RSRC1: variants seen among roughly 807,000 people sequenced by gnomAD.
RSRC1 encodes arginine and serine rich coiled-coil 1.
Under a neutral mutation model 49.1 loss-of-function variants are expected in RSRC1, and 39 were observed. The observed-to-expected ratio is 0.79, with a 90% CI of 0.61 to 1.04. The LOEUF (loss-of-function observed/expected upper bound fraction) is 1.04, where lower values mean the gene tolerates loss of function less well. RSRC1 is among the 50% of genes least tolerant of loss of function. RSRC1 has a pLI of 0.00. For synonymous variants in RSRC1, 143 were observed against 130.8 expected, an observed-to-expected ratio of 1.09 and a Z score of -0.63; for missense variants, 388 against 402.4, an observed-to-expected ratio of 0.96 and a Z score of 0.31.
chr3:158,120,162 G>A lies in RSRC1; in HGVS notation c.-2-1941G>A, dbSNP rs140036026. Among the ~76,000 whole-genome samples the A allele has an allele frequency of 3.7e-3, 568 of 152,234 alleles. 7 individuals are homozygous for A. The Middle Eastern group carries it at 0.048, about 13-fold the overall frequency. ...AGTCATTTTAAAGCTGGAAAGTGTCGTGGTAATCTTTTACCTATTGTAGTT... is the reference window on the plus strand; with the variant it reads ...AGTCATTTTAAAGCTGGAAAGTGTCATGGTAATCTTTTACCTATTGTAGTT... On this transcript the variant is annotated intron_variant, in intron 1 of 9. Transcript: ENST00000611884.
rs562050315 is a variant in RSRC1 at position 158,514,818 on chromosome 3, A to G, written c.653-22274A>G. 3.3e-5 allele frequency among the ~76,000 whole-genome samples: 5 copies of G among 152,346 alleles called. No homozygotes were observed. The South Asian group carries it at 1.0e-3, about 32-fold the overall frequency. On this transcript the variant is annotated intron_variant, in intron 7 of 9. Coordinates refer to ENST00000611884, the MANE Select transcript of RSRC1 (RefSeq NM_001271838.2). The stretch of plus-strand genomic sequence containing the variant: ...GGGTGCTCCAGTATTGGGTGCATAT[A>G]TAATTAAGATAGTTATCTCTTCTTG...
intron 6 of RSRC1, among the ~76,000 whole-genome samples, chr3:158,386,793 A>G (rs904589989): frequency 1.3e-5 from 2 of 151,748 alleles, no homozygotes; most frequent in African/African-American, 4.8e-5. Flanking sequence ...ATGCATGTTC[A>G]CAGGACCATA....
intron 6 of RSRC1, among the ~76,000 whole-genome samples, chr3:158,379,192 C>CTTTTTT (rs768767131): frequency 1.1e-5 from 1 of 93,898 alleles, no homozygotes; most frequent in African/African-American, 4.1e-5. Flanking sequence ...AGAAATACCA[C>CTTTTTT]TTTTTTTTTT....
At chr3:158,162,904 G>A (rs762356292) in intron 3 of RSRC1, among the ~76,000 whole-genome samples, 6 of 152,112 alleles carry the variant, frequency 3.9e-5, no homozygotes, top group African/African-American at 9.7e-5. Context: ...AATGATATTC[G>A]TTAACTCTTC....
intron 6 of RSRC1, among the ~76,000 whole-genome samples, chr3:158,386,112 G>C (rs1732951691): frequency 6.6e-6 from 1 of 152,020 alleles, no homozygotes; most frequent in Non-Finnish European, 1.5e-5. Flanking sequence ...AAGTTATTGA[G>C]TGGATAAATT....
intron 4 of RSRC1, among the ~76,000 whole-genome samples, chr3:158,251,541 AAATT>A (rs765334151): frequency 1.5e-4 from 23 of 152,246 alleles, no homozygotes; most frequent in African/African-American, 5.1e-4. Context: ...TTTTTTGGTT[AAATT>A]AATTCTTAAG....
At position 158,539,212 on chromosome 3, in the gene RSRC1, G is replaced by A. The variant is rs1395827110; in HGVS notation, c.759+2014G>A. On this transcript the variant is annotated intron_variant, in intron 8 of 9. Transcript: ENST00000611884. The surrounding 1 kb of genome is among the most constrained non-coding windows in gnomAD (Gnocchi z 4.1). Reference sequence around the variant, plus strand: ...TATAAAGTTTGTATCCCTAAAAAAAGGCTTTTGTATGCTGGCCACCCCTTC... The same window carrying A: ...TATAAAGTTTGTATCCCTAAAAAAAAGCTTTTGTATGCTGGCCACCCCTTC... Among the ~76,000 whole-genome samples the A allele has an allele frequency of 1.3e-5, 2 of 151,930 alleles. No homozygotes were observed. Among genetic ancestry groups the A allele is most frequent in the Non-Finnish European group, 2.9e-5 (2 of 67,896 alleles).
intron 6 of RSRC1, among the ~76,000 whole-genome samples, chr3:158,432,740 C>T (rs1735834531): frequency 6.6e-6 from 1 of 151,904 alleles, no homozygotes; most frequent in Admixed American, 6.6e-5. Flanking sequence ...TAAAATATTG[C>T]ATATTGCATG....
chr3:158,125,953 TTTTC>T (rs1346353978), intron 3 of RSRC1, among the ~76,000 whole-genome samples: 1 of 152,152 alleles, frequency 6.6e-6, no homozygotes, highest in Admixed American at 6.5e-5. Context: ...CATTATATAA[TTTTC>T]TTTTTTTCTT....
intron 1 of RSRC1, among the ~76,000 whole-genome samples, chr3:158,111,071 T>C (rs1425873355): frequency 6.6e-6 from 1 of 152,206 alleles, no homozygotes; most frequent in Non-Finnish European, 1.5e-5. Flanking sequence ...AAATGTCTTA[T>C]GTTGTCACAA....
At chr3:158,436,913 G>T (rs1174581756) in intron 6 of RSRC1, among the ~76,000 whole-genome samples, 2 of 151,908 alleles carry the variant, frequency 1.3e-5, no homozygotes, top group Non-Finnish European at 1.5e-5. Flanking sequence ...GAGAGATTAA[G>T]ATACTTGTTG....
At chr3:158,368,581 G>A (rs925847001) in intron 6 of RSRC1, among the ~76,000 whole-genome samples, 1 of 152,172 alleles carries the variant, frequency 6.6e-6, no homozygotes, top group African/African-American at 2.4e-5. Context: ...GGATTTAGAA[G>A]GGCTTCTGTC....
chr3:158,203,062 C>T lies in RSRC1; in HGVS notation c.321-10C>T. On this transcript the variant is annotated splice_polypyrimidine_tract_variant and intron_variant, in intron 3 of 9. Coordinates refer to ENST00000611884, the MANE Select transcript of RSRC1 (RefSeq NM_001271838.2). ...CACTAAGTTTATTTAACAAAATCTG[C>T]TTACTGTAGGTCCAGGTCAAGACCT... The T allele has an allele frequency of 6.2e-7, 1 of 1,601,508 alleles. No individual in the cohort carries two copies. The highest frequency in any genetic ancestry group is 8.5e-7 in the Non-Finnish European group (1 of 1,171,870).
chr3:158,506,671 T>G (rs1479404117), intron 7 of RSRC1, among the ~76,000 whole-genome samples: 2 of 151,454 alleles, frequency 1.3e-5, no homozygotes, highest in Non-Finnish European at 2.9e-5. Context: ...AGACAAAAAT[T>G]AGTGGTTGCT....
chr3:158,330,950 CAT>C (rs1729507249), intron 5 of RSRC1, among the ~76,000 whole-genome samples: 1 of 150,906 alleles, frequency 6.6e-6, no homozygotes, highest in South Asian at 2.1e-4. Context: ...GCCTCACAAT[CAT>C]AGCACAAGAC....
intron 6 of RSRC1, among the ~76,000 whole-genome samples, chr3:158,397,777 T>C (rs1733691725): frequency 6.6e-6 from 1 of 152,148 alleles, no homozygotes; most frequent in Admixed American, 6.6e-5. Context: ...CCCTTCTCCC[T>C]ATCATACCCC....
intron 3 of RSRC1, among the ~76,000 whole-genome samples, chr3:158,129,830 G>A (rs1451685792): frequency 6.6e-6 from 1 of 152,116 alleles, no homozygotes; most frequent in Non-Finnish European, 1.5e-5. Flanking sequence ...AAAGCTTGCT[G>A]GGACTTTGAT....
chr3:158,353,918 T>A (rs1419368857), intron 5 of RSRC1, among the ~76,000 whole-genome samples: 1 of 151,982 alleles, frequency 6.6e-6, no homozygotes, highest in Non-Finnish European at 1.5e-5. Context: ...ATGATATAAT[T>A]TGTTGTTGTT....
At chr3:158,182,266 G>A (rs1578172269) in intron 3 of RSRC1, among the ~76,000 whole-genome samples, 2 of 152,102 alleles carry the variant, frequency 1.3e-5, no homozygotes, top group Admixed American at 1.3e-4. Context: ...ATGTGTTTCT[G>A]TCTTCTAAAT....
Sources: gnomAD v4.1 joint callset for allele counts (sites outside exome capture counted in the v4.1 genomes callset) on GRCh38, gnomAD v4.1.1 for gene constraint, Gnocchi (gnomAD v3.1) non-coding constraint, MANE v1.5 for transcripts, NCBI Gene and HGNC (gene_info 2026-07-23, HGNC 2026-07-21) for gene names.